ASAP1: variants seen among roughly 807,000 people sequenced by gnomAD.
ASAP1 encodes the protein ArfGAP with SH3 domain, ankyrin repeat and PH domain 1.
Under a neutral mutation model 145.2 loss-of-function variants are expected in ASAP1, and 43 were observed. The observed-to-expected ratio is 0.30, with a 90% CI of 0.23 to 0.38. The LOEUF (loss-of-function observed/expected upper bound fraction) is 0.38, where lower values mean the gene tolerates loss of function less well. Among genes scored for constraint, ASAP1 ranks in the 10% least tolerant of loss-of-function variants. The pLI is 1.00. For missense variants in ASAP1, 1,018 were observed against 1,355.3 expected (o/e 0.75, Z 3.91); for synonymous variants, 546 against 515.5 (o/e 1.06, Z -0.80).
intron 7 of ASAP1, among the ~76,000 whole-genome samples, chr8:130,182,657 A>C (rs1447307868): frequency 1.3e-5 from 2 of 152,120 alleles, no homozygotes; most frequent in Non-Finnish European, 2.9e-5. Flanking sequence ...AATGCACCCA[A>C]AGATTATAAG....
chr8:130,330,462 C>T (rs1245538815), intron 3 of ASAP1, among the ~76,000 whole-genome samples: 1 of 152,252 alleles, frequency 6.6e-6, no homozygotes, highest in African/African-American at 2.4e-5. Flanking sequence ...TGGCACCCCA[C>T]AACCACCACC....
chr8:130,316,166 T>C (rs1554880960), intron 3 of ASAP1, among the ~76,000 whole-genome samples: 2 of 152,252 alleles, frequency 1.3e-5, no homozygotes, highest in Non-Finnish European at 2.9e-5. Context: ...ACCACTATTA[T>C]GCCATCTTCA....
chr8:130,074,412 T>C (rs1221370612), intron 27 of ASAP1, among the ~76,000 whole-genome samples: 1 of 151,778 alleles, frequency 6.6e-6, no homozygotes, highest in South Asian at 2.1e-4. Context: ...TTTCTGTATA[T>C]GTTTATTACG....
At chr8:130,223,732 C>A (rs1291553128) in intron 4 of ASAP1, among the ~76,000 whole-genome samples, 1 of 152,030 alleles carries the variant, frequency 6.6e-6, no homozygotes, top group Non-Finnish European at 1.5e-5. Context: ...AGTACCATCC[C>A]ACACTCCAGA....
At chr8:130,233,052 A>C (rs1001218628) in intron 4 of ASAP1, among the ~76,000 whole-genome samples, 1 of 152,178 alleles carries the variant, frequency 6.6e-6, no homozygotes, top group Non-Finnish European at 1.5e-5. Context: ...GCTGCCCACA[A>C]ACCCAGCTAT....
intron 3 of ASAP1, among the ~76,000 whole-genome samples, chr8:130,254,173 G>A (rs909127998): frequency 1.3e-5 from 2 of 152,226 alleles, no homozygotes; most frequent in African/African-American, 4.8e-5. Flanking sequence ...TCTATTGTCT[G>A]TACAAAGAGA....
intron 3 of ASAP1, among the ~76,000 whole-genome samples, chr8:130,322,318 AT>A (rs1443421297): frequency 1.4e-5 from 2 of 147,726 alleles, no homozygotes; most frequent in South Asian, 2.2e-4. Flanking sequence ...AAAAAAAAAA[AT>A]GAAAATGCTG....
At chr8:130,104,103 C>T (rs1394099914) in intron 24 of ASAP1, among the ~76,000 whole-genome samples, 1 of 152,212 alleles carries the variant, frequency 6.6e-6, no homozygotes, top group Non-Finnish European at 1.5e-5. Context: ...GTCTCCACAG[C>T]TCTCCTGCCA....
At chr8:130,331,580 C>G (rs1311301992) in intron 3 of ASAP1, among the ~76,000 whole-genome samples, 1 of 152,048 alleles carries the variant, frequency 6.6e-6, no homozygotes, top group Non-Finnish European at 1.5e-5. Flanking sequence ...AATTTTAGAG[C>G]CTTTTCTCAT....
At chr8:130,260,365 G>A (rs1819820570) in intron 3 of ASAP1, among the ~76,000 whole-genome samples, 1 of 152,116 alleles carries the variant, frequency 6.6e-6, no homozygotes, top group Admixed American at 6.6e-5. Context: ...CAGCCTCCAT[G>A]CTAACAATGT....
At chr8:130,262,092 G>C (rs1032427141) in intron 3 of ASAP1, among the ~76,000 whole-genome samples, 6 of 151,818 alleles carry the variant, frequency 4.0e-5, no homozygotes, top group African/African-American at 1.5e-4. Context: ...CATGTTTCCA[G>C]TGCTATTAAA....
intron 24 of ASAP1, among the ~76,000 whole-genome samples, chr8:130,103,235 G>A (rs1000331693): frequency 4.0e-5 from 6 of 151,794 alleles, no homozygotes; most frequent in African/African-American, 1.2e-4. Flanking sequence ...AATGACCTTT[G>A]TATTTTTGTG....
intron 3 of ASAP1, among the ~76,000 whole-genome samples, chr8:130,246,207 G>A (rs1235751669): frequency 2.0e-5 from 3 of 152,054 alleles, no homozygotes; most frequent in Non-Finnish European, 4.4e-5. Flanking sequence ...AGCAGACTCC[G>A]AGAGAGACTA....
intron 1 of ASAP1, among the ~76,000 whole-genome samples, chr8:130,439,807 C>T (rs941396412): frequency 2.6e-5 from 4 of 152,252 alleles, no homozygotes; most frequent in Admixed American, 6.5e-5. Flanking sequence ...AGCACTCTGG[C>T]AGCTCCACAG....
At chr8:130,239,857 TAAGAG>T (rs1262050808) in intron 3 of ASAP1, among the ~76,000 whole-genome samples, 2 of 152,166 alleles carry the variant, frequency 1.3e-5, no homozygotes, top group Non-Finnish European at 2.9e-5. Context: ...ACATACTAAG[TAAGAG>T]AAGAGCCAGC....
intron 7 of ASAP1, among the ~76,000 whole-genome samples, chr8:130,183,280 A>G (rs897083755): frequency 1.3e-5 from 2 of 152,100 alleles, no homozygotes; most frequent in Non-Finnish European, 2.9e-5. Flanking sequence ...TTTATTAGCA[A>G]TACTGGAAAG....
At chr8:130,137,235 C>T (rs529412980) in intron 13 of ASAP1, among the ~76,000 whole-genome samples, 197 bp from the exon 14 acceptor site, 1 of 152,190 alleles carries the variant, frequency 6.6e-6, no homozygotes, top group Non-Finnish European at 1.5e-5. Flanking sequence ...TAGGTTTCTG[C>T]CCTCAAATAT....
At chr8:130,337,592 T>C (rs1174598418) in intron 3 of ASAP1, among the ~76,000 whole-genome samples, 1 of 152,250 alleles carries the variant, frequency 6.6e-6, no homozygotes, top group Non-Finnish European at 1.5e-5. Flanking sequence ...AAGTTGGTTA[T>C]GTATAGATGG....
At chr8:130,251,339 A>AC (rs1819185242) in intron 3 of ASAP1, among the ~76,000 whole-genome samples, 1 of 152,056 alleles carries the variant, frequency 6.6e-6, no homozygotes, top group South Asian at 2.1e-4. Context: ...AAGTGCTTGA[A>AC]CCTGGGGGGA....
Sources: gnomAD v4.1 joint callset for allele counts (sites outside exome capture counted in the v4.1 genomes callset) on GRCh38, gnomAD v4.1.1 for gene constraint, MANE v1.5 for transcripts, NCBI Gene and HGNC (gene_info 2026-07-23, HGNC 2026-07-21) for gene names.